The following TRABD2B variants were observed in gnomAD, a reference collection of about 807,000 sequenced individuals.
The protein encoded by TRABD2B is TraB domain containing 2B.
Under a neutral mutation model 40.1 loss-of-function variants are expected in TRABD2B, and 14 were observed. The observed-to-expected ratio is 0.35, with a 90% CI of 0.23 to 0.55. The LOEUF is 0.55. TRABD2B is among the 20% of genes least tolerant of loss of function. The pLI, the probability that TRABD2B is intolerant of heterozygous loss-of-function variation, is 0.90. For synonymous variants in TRABD2B, 263 were observed against 277.0 expected (o/e 0.95, Z 0.50); for missense variants, 541 against 648.6 (o/e 0.83, Z 1.80).
chr1:47,908,928 C>T (rs1317807455), intron 2 of TRABD2B, among the ~76,000 whole-genome samples: 3 of 152,222 alleles, frequency 2.0e-5, no homozygotes, highest in Admixed American at 6.5e-5. Context: ...AGAGCTTCAG[C>T]GCATGAATCT....
intron 2 of TRABD2B, among the ~76,000 whole-genome samples, chr1:47,940,039 C>G (rs1645165056): frequency 6.6e-6 from 1 of 152,198 alleles, no homozygotes; most frequent in Admixed American, 6.5e-5. Context: ...TCCTAGCCTT[C>G]CGTTCCCCAC....
intron 2 of TRABD2B, among the ~76,000 whole-genome samples, chr1:47,857,579 C>T (rs965033902): frequency 2.0e-5 from 3 of 152,160 alleles, no homozygotes; most frequent in African/African-American, 7.2e-5. Flanking sequence ...CGAGGTCTGT[C>T]TGTTCACTTG....
In TRABD2B at chr1:47,765,851, C is replaced by A. The variant is rs960201683; in HGVS notation, c.*51G>T. 1.4e-6 allele frequency: 1 copy of A among 702,834 alleles called. No individual in the cohort carries two copies. 43.5% of individuals were successfully genotyped at this position (702,834 alleles called of 1,614,324 possible). On this transcript the variant is annotated 3_prime_UTR_variant, in exon 7 of 7. Coordinates refer to ENST00000606738, the MANE Select transcript of TRABD2B (RefSeq NM_001194986.2). ...TGGTGGCAGGAGCAGTTGGGTGTGG[C>A]CGAAGACCCCTGTGTCATTTCTCTG... is the stretch of plus-strand genomic sequence containing the variant.
At chr1:47,937,706 T>C (rs1385377842) in intron 2 of TRABD2B, among the ~76,000 whole-genome samples, 1 of 151,950 alleles carries the variant, frequency 6.6e-6, no homozygotes, top group East Asian at 1.9e-4. Flanking sequence ...AGGAGTAGGG[T>C]TCATGGAGGT....
chr1:47,772,044 A>T (rs1274582063), intron 6 of TRABD2B, among the ~76,000 whole-genome samples: 1 of 151,710 alleles, frequency 6.6e-6, no homozygotes, highest in Non-Finnish European at 1.5e-5. Flanking sequence ...AGGGGCACCC[A>T]CCGGCACTGC....
chr1:47,884,451 G>A (rs1644345076), intron 2 of TRABD2B, among the ~76,000 whole-genome samples: 1 of 152,098 alleles, frequency 6.6e-6, no homozygotes, highest in Non-Finnish European at 1.5e-5. Flanking sequence ...TGCACACCCT[G>A]GCTATCATGA....
intron 4 of TRABD2B, among the ~76,000 whole-genome samples, chr1:47,780,489 T>C (rs1347472817): frequency 6.6e-6 from 1 of 152,096 alleles, no homozygotes; most frequent in Non-Finnish European, 1.5e-5. Context: ...AGGGTCTTTT[T>C]CCAGGCACTC....
intron 6 of TRABD2B, among the ~76,000 whole-genome samples, chr1:47,766,993 C>A (rs959528361): frequency 6.6e-6 from 1 of 152,014 alleles, no homozygotes; most frequent in African/African-American, 2.4e-5. Flanking sequence ...AAGCTGGAGG[C>A]GGGGGCAGGG....
At chr1:47,840,957 A>C (rs942283901) in intron 2 of TRABD2B, among the ~76,000 whole-genome samples, 3 of 152,140 alleles carry the variant, frequency 2.0e-5, no homozygotes, top group Non-Finnish European at 4.4e-5. Context: ...ACAGGGAAGG[A>C]AAGAGAGAGA....
At chr1:47,853,045 T>A (rs1241104369) in intron 2 of TRABD2B, among the ~76,000 whole-genome samples, 2 of 151,986 alleles carry the variant, frequency 1.3e-5, no homozygotes, top group East Asian at 3.9e-4. Flanking sequence ...CTCCCCAACA[T>A]CCTGGAAGCA....
chr1:47,812,335 G>A (rs574926823), intron 2 of TRABD2B, among the ~76,000 whole-genome samples: 7 of 152,324 alleles, frequency 4.6e-5, no homozygotes, highest in African/African-American at 1.7e-4. Flanking sequence ...AAACACAGAG[G>A]TTGGGGGCCT....
intron 2 of TRABD2B, among the ~76,000 whole-genome samples, chr1:47,814,478 G>A (rs1645004072): frequency 6.6e-6 from 1 of 152,200 alleles, no homozygotes; most frequent in African/African-American, 2.4e-5. Context: ...CAGGGGCTTT[G>A]GGGAGGCATG....
At chr1:47,861,749 T>C (rs946360251) in intron 2 of TRABD2B, among the ~76,000 whole-genome samples, 6 of 152,188 alleles carry the variant, frequency 3.9e-5, no homozygotes, top group Admixed American at 6.5e-5. Flanking sequence ...GGGGGATATT[T>C]CCTAACTCAT....
Position 47,997,042 on chromosome 1 carries a change from G to T in TRABD2B, c.-253C>A. On this transcript the variant is annotated 5_prime_UTR_variant, in exon 1 of 7. Coordinates refer to ENST00000606738, the MANE Select transcript of TRABD2B (RefSeq NM_001194986.2). ...CCGGGCGCTCAACCTCGCTGGCCGA[G>T]CCCCCGGGTGCTGAGGGCGTGTTGG... The T allele has an allele frequency of 5.7e-6, 6 of 1,057,190 alleles. No individual in the cohort carries two copies. The highest frequency in any genetic ancestry group is 6.8e-6 in the Non-Finnish European group (6 of 877,650). 65.5% of individuals were successfully genotyped at this position (1,057,190 alleles called of 1,614,324 possible).
intron 2 of TRABD2B, among the ~76,000 whole-genome samples, chr1:47,960,911 C>G (rs1027546475): frequency 6.6e-5 from 10 of 152,182 alleles, no homozygotes; most frequent in African/African-American, 2.2e-4. Context: ...CAAGTCAATC[C>G]TGAGCCAAAA....
At chr1:47,881,365 C>A (rs1408454933) in intron 2 of TRABD2B, among the ~76,000 whole-genome samples, 1 of 152,084 alleles carries the variant, frequency 6.6e-6, no homozygotes, top group Non-Finnish European at 1.5e-5. Context: ...ATGTGTAAGC[C>A]CATTACTTGG....
At chr1:47,893,895 G>C (rs1644482809) in intron 2 of TRABD2B, among the ~76,000 whole-genome samples, 1 of 152,002 alleles carries the variant, frequency 6.6e-6, no homozygotes, top group Admixed American at 6.6e-5. Flanking sequence ...TTTGGTGATG[G>C]AATCACCAAA....
chr1:47,861,282 G>A (rs1320971498), intron 2 of TRABD2B, among the ~76,000 whole-genome samples: 2 of 151,968 alleles, frequency 1.3e-5, no homozygotes, highest in East Asian at 1.9e-4. Flanking sequence ...AATGGTGGTG[G>A]TGGGGGTGGC....
chr1:47,768,316 T>C (rs1005494390), intron 6 of TRABD2B, among the ~76,000 whole-genome samples: 1 of 130,756 alleles, frequency 7.6e-6, no homozygotes, highest in African/African-American at 2.9e-5. Context: ...GAGTAGAGTG[T>C]GTGTGTGTGG....
Sources: allele counts gnomAD v4.1 joint callset (sites outside exome capture counted in the v4.1 genomes callset), GRCh38; gene constraint gnomAD v4.1.1; transcripts MANE v1.5; gene names NCBI Gene and HGNC (gene_info 2026-07-23, HGNC 2026-07-21).